The following MAST4 variants were observed in gnomAD, a reference collection of about 807,000 sequenced individuals.
The protein encoded by MAST4 is microtubule-associated serine/threonine-protein kinase 4.
MAST4 carries 89 observed loss-of-function variants against 162.7 expected under a neutral mutation model. That is an observed-to-expected ratio of 0.55 (90% CI 0.46 to 0.65). The LOEUF (loss-of-function observed/expected upper bound fraction) is 0.65. Ranked by LOEUF, MAST4 falls within the 30% of genes least tolerant of loss-of-function variation. MAST4 has a pLI of 0.00. For missense variants in MAST4, 3,153 were observed against 3,374.0 expected, an observed-to-expected ratio of 0.93 and a Z score of 1.62; for synonymous variants, 1,479 against 1,361.1, an observed-to-expected ratio of 1.09 and a Z score of -1.91.
intron 4 of MAST4, among the ~76,000 whole-genome samples, chr5:67,033,253 A>G (rs1416947446): frequency 6.6e-6 from 1 of 150,632 alleles, no homozygotes; most frequent in East Asian, 1.9e-4. Flanking sequence ...ACATTAAAAT[A>G]ACAGTGAAAT....
At chr5:66,753,540 A>T (rs1753327137) in intron 1 of MAST4, among the ~76,000 whole-genome samples, 1 of 151,840 alleles carries the variant, frequency 6.6e-6, no homozygotes, top group Admixed American at 6.5e-5. Context: ...CAAATAAACT[A>T]GAAAATCTAG....
At chr5:66,731,456 A>C (rs1751853329) in intron 1 of MAST4, among the ~76,000 whole-genome samples, 1 of 147,914 alleles carries the variant, frequency 6.8e-6, no homozygotes, top group African/African-American at 2.7e-5. Context: ...CACTTATGCT[A>C]TTGCTTAGTT....
chr5:66,750,539 G>A (rs994460459), intron 1 of MAST4, among the ~76,000 whole-genome samples: 19 of 152,162 alleles, frequency 1.2e-4, no homozygotes, highest in African/African-American at 2.4e-4. Flanking sequence ...GGTGACGGAC[G>A]CACCTTGAAA....
intron 4 of MAST4, among the ~76,000 whole-genome samples, chr5:66,912,920 ATTATG>A (rs1391694955): frequency 6.6e-6 from 1 of 152,172 alleles, no homozygotes; most frequent in Non-Finnish European, 1.5e-5. Context: ...TCTAGGCTGT[ATTATG>A]TTCATGTAAC....
intron 1 of MAST4, among the ~76,000 whole-genome samples, chr5:66,673,301 T>C (rs1210398909): frequency 6.6e-6 from 1 of 152,248 alleles, no homozygotes; most frequent in Non-Finnish European, 1.5e-5. Context: ...AGTTTCGTGT[T>C]ATTATAGTCA....
chr5:66,858,921 T>C (rs570019788), intron 3 of MAST4, among the ~76,000 whole-genome samples: 150 of 152,240 alleles, frequency 9.9e-4, no homozygotes, highest in African/African-American at 3.5e-3. Flanking sequence ...ATTGCTATTG[T>C]GAATTATATC....
At chr5:66,677,603 A>G (rs993946892) in intron 1 of MAST4, among the ~76,000 whole-genome samples, 14 of 152,206 alleles carry the variant, frequency 9.2e-5, no homozygotes, top group Admixed American at 9.2e-4. Flanking sequence ...AGAGAGATAG[A>G]AAAGGAAATC....
intron 3 of MAST4, among the ~76,000 whole-genome samples, chr5:66,832,080 A>G (rs753080320): frequency 1.3e-5 from 2 of 152,134 alleles, no homozygotes; most frequent in Non-Finnish European, 2.9e-5. Context: ...AACAATAGGC[A>G]TCGTAAGGCA....
At chr5:66,925,160 T>C (rs1764806084) in intron 4 of MAST4, among the ~76,000 whole-genome samples, 1 of 152,210 alleles carries the variant, frequency 6.6e-6, no homozygotes, top group Admixed American at 6.5e-5. Flanking sequence ...AGCTGGGAAG[T>C]ACTTTCTGCA....
chr5:66,885,038 A>G lies in MAST4; in HGVS notation c.643-14913A>G, dbSNP rs73765774. ...GTTATGCAAGTAGCTGGTTTTATTT[A>G]CTGTGGGAATTTCTCCTAGAGCTCT... On this transcript the variant is annotated intron_variant, in intron 3 of 28. Coordinates refer to ENST00000403625, the MANE Select transcript of MAST4 (RefSeq NM_001164664.2). 6.5e-3 allele frequency among the ~76,000 whole-genome samples: 989 copies of G among 152,212 alleles called. 9 individuals carry two copies. Among genetic ancestry groups the G allele is most frequent in the African/African-American group, 0.022 (928 of 41,518 alleles).
intron 3 of MAST4, among the ~76,000 whole-genome samples, chr5:66,886,829 AT>A (rs546453090): frequency 9.1e-4 from 138 of 151,524 alleles, no homozygotes; most frequent in Non-Finnish European, 1.5e-3. Context: ...AAATGACTTG[AT>A]TTTTTTGGTT....
At chr5:67,098,665 G>A (rs1764706676) in intron 7 of MAST4, among the ~76,000 whole-genome samples, 1 of 152,094 alleles carries the variant, frequency 6.6e-6, no homozygotes, top group African/African-American at 2.4e-5. Context: ...CATGGTTTTG[G>A]AACTCTAATT....
chr5:67,125,659 G>T (rs191946167), intron 14 of MAST4, among the ~76,000 whole-genome samples: 16 of 152,170 alleles, frequency 1.1e-4, no homozygotes, highest in Non-Finnish European at 2.1e-4. Context: ...TCATTGATGG[G>T]CATTTGGGTT....
At chr5:66,765,268 G>A (rs756260557) in intron 2 of MAST4, among the ~76,000 whole-genome samples, 2 of 152,076 alleles carry the variant, frequency 1.3e-5, no homozygotes, top group Non-Finnish European at 1.5e-5. Flanking sequence ...ATATACAGTT[G>A]TCCCTCAGTA....
At chr5:66,842,429 T>C (rs1277129185) in intron 3 of MAST4, among the ~76,000 whole-genome samples, 1 of 152,174 alleles carries the variant, frequency 6.6e-6, no homozygotes, top group African/African-American at 2.4e-5. Flanking sequence ...CTGATTTTTG[T>C]GTGTGGCTCC....
At chr5:67,125,119 G>C (rs1394912637) in intron 14 of MAST4, among the ~76,000 whole-genome samples, 2 of 152,118 alleles carry the variant, frequency 1.3e-5, no homozygotes, top group South Asian at 2.1e-4. Context: ...ATGGTAAGCA[G>C]TATGCCAATT....
intron 3 of MAST4, among the ~76,000 whole-genome samples, chr5:66,823,538 C>T (rs780738528): frequency 3.3e-5 from 5 of 152,080 alleles, no homozygotes; most frequent in Admixed American, 2.0e-4. Flanking sequence ...AGTGCAGTGG[C>T]GCGATCTCGG....
At chr5:67,026,835 G>A (rs1253435643) in intron 4 of MAST4, among the ~76,000 whole-genome samples, 2 of 151,972 alleles carry the variant, frequency 1.3e-5, no homozygotes, top group African/African-American at 4.8e-5. Context: ...AGATGTGGAG[G>A]GCAAAGACTC....
At chr5:66,659,097 CCATGGATGG>C (rs1287019402) in intron 1 of MAST4, among the ~76,000 whole-genome samples, 2 of 152,110 alleles carry the variant, frequency 1.3e-5, no homozygotes, top group African/African-American at 4.8e-5. Context: ...AGCCTGGATG[CCATGGATGG>C]CATGTTGATG....
Sources: allele counts gnomAD v4.1 joint callset (sites outside exome capture counted in the v4.1 genomes callset), GRCh38; gene constraint gnomAD v4.1.1; transcripts MANE v1.5; gene names NCBI Gene and HGNC (gene_info 2026-07-23, HGNC 2026-07-21).